The following FLG2 variants were observed in gnomAD, a reference collection of about 807,000 sequenced individuals.
The protein encoded by FLG2 is filaggrin-2.
In FLG2, 7 loss-of-function variants were observed where a neutral mutation model predicts 3.9. The observed-to-expected ratio is 1.79, with a 90% CI of 1.02 to 3.36. The LOEUF is 3.36. Ranked by LOEUF, FLG2 falls within the 30% of genes most tolerant of loss-of-function variation. FLG2 has a pLI of 0.00. For synonymous variants in FLG2, 1,031 were observed against 1,056.1 expected (o/e 0.98, Z 0.46); for missense variants, 2,700 against 2,809.4 (o/e 0.96, Z 0.88).
In FLG2 at chr1:152,352,285, C is replaced by A. The variant is rs148913062; in HGVS notation, c.5501G>T (p.Gly1834Val). 1 of 1,613,120 alleles carries A rather than the reference C, an allele frequency of 6.2e-7. No homozygotes were observed. Among genetic ancestry groups the A allele is most frequent in the African/African-American group, 1.3e-5 (1 of 74,566 alleles). ...HTHGQAGSQHGESESIVDERH... is the reference protein window; with the variant it reads ...HTHGQAGSQHVESESIVDERH... ...CTCGTCAACTATGGATTCTGACTCT[C>A]CATGTTGAGATCCAGCCTGGCCGTG... The change falls in exon 3 of 3, where the codon GGA becomes GTA. Residue 1834 changes from glycine (G) to valine (V), a missense_variant. Physicochemically the swap from Gly to Val is moderately radical, Grantham distance 109 (BLOSUM62 -3). Coordinates refer to ENST00000388718, the MANE Select transcript of FLG2 (RefSeq NM_001014342.3).
Position 152,350,572 on chromosome 1 carries a change from G to C in FLG2, c.*38C>G. The C allele has an allele frequency of 6.4e-7, 1 of 1,572,086 alleles. No homozygotes were observed. The highest frequency in any genetic ancestry group is 1.4e-5 in the African/African-American group (1 of 73,696). The stretch of plus-strand genomic sequence containing the variant: ...ACTGTGTCTTCCTGTTCTTTTAGTT[G>C]CTTTGGATACTATAAGGTCAGAACT... On this transcript the variant is annotated 3_prime_UTR_variant, in exon 3 of 3. Transcript: ENST00000388718.
intron 2 of FLG2, 48 bp from the exon 3 acceptor site, chr1:152,357,695 A>C (rs370646147): frequency 1.5e-6 from 2 of 1,311,314 alleles, no homozygotes; most frequent in East Asian, 2.3e-5. Context: ...CCTAACCTGC[A>C]TACTCAACTA....
At position 152,354,629 on chromosome 1, in the gene FLG2, G is replaced by T. The variant is rs774167392; in HGVS notation, c.3157C>A (p.Gln1053Lys). The change falls in exon 3 of 3, where the codon CAA (glutamine) becomes AAA (lysine). Residue 1053 changes from glutamine (Q) to lysine (K), a missense_variant. Physicochemically the swap from Gln to Lys is moderately conservative, Grantham distance 53 (BLOSUM62 1). Transcript: ENST00000388718. ...GATTGTCCTGAACCAGTCCCATGTTGTCCAAAGCCAGAGGACTGATCTGAG... is the reference window on the plus strand; with the variant it reads ...GATTGTCCTGAACCAGTCCCATGTTTTCCAAAGCCAGAGGACTGATCTGAG... ...SGSDQSSGFG[Q>K]HGTGSGQSSG... 6.2e-7 allele frequency: 1 copy of T among 1,614,074 alleles called. No homozygotes were observed. Among genetic ancestry groups the T allele is most frequent in the Non-Finnish European group, 8.5e-7 (1 of 1,180,024 alleles).
At position 152,355,995 on chromosome 1, in the gene FLG2, C is replaced by T. The variant is rs143961355; in HGVS notation, c.1791G>A (p.Gly597=). ...SGQSSGFGQH[G]SGSGQSSGFG... is the part of the protein sequence containing the mutation. ...AGCCAGAGGATTGTCCTGAGCCAGA[C>T]CCATGTTGTCCAAAGCCAGAGGACT... is the stretch of plus-strand genomic sequence containing the variant. The change falls in exon 3 of 3, where the codon GGG becomes GGA. Residue 597 remains glycine, a synonymous_variant. Coordinates refer to ENST00000388718, the MANE Select transcript of FLG2 (RefSeq NM_001014342.3). 5,396 of 1,600,000 alleles carry T rather than the reference C, an allele frequency of 3.4e-3. 51 individuals carry two copies. Among genetic ancestry groups the T allele is most frequent in the South Asian group, 0.021 (1,944 of 90,638 alleles).
rs762588003 is a variant in FLG2, at chr1:152,351,106, C to G, written c.6680G>C (p.Gly2227Ala). Reference protein sequence around the residue: ...GRQGTTHGQTGDTTRHAHYGY... With the variant: ...GRQGTTHGQTADTTRHAHYGY... ...ATAGTGGGCATGTCTAGTGGTATCT[C>G]CTGTCTGTCCATGAGTAGTTCCCTG... The change falls in exon 3 of 3, where the codon GGA becomes GCA. Residue 2227 changes from glycine to alanine, a missense_variant. Coordinates refer to ENST00000388718, the MANE Select transcript of FLG2 (RefSeq NM_001014342.3). 4 of 1,613,694 alleles carry G rather than the reference C, an allele frequency of 2.5e-6. No individual in the cohort carries two copies. In the East Asian group the frequency reaches 6.7e-5, roughly 27 times the overall value.
In FLG2 at chr1:152,350,899, G is replaced by A. The variant is rs766450777; in HGVS notation, c.6887C>T (p.Thr2296Ile). Reference protein sequence around the residue: ...PGSTVHGRLETTHGQTGDTTR... With the variant: ...PGSTVHGRLEITHGQTGDTTR... ...GGTATCTCCTGTCTGTCCATGAGTA[G>A]TTTCCAGTCTCCCATGAACTGTGGA... The change falls in exon 3 of 3, where the codon ACT becomes ATT. Residue 2296 changes from threonine to isoleucine, a missense_variant. By Grantham distance (89) the Thr-to-Ile change is moderately conservative. Transcript: ENST00000388718. 2 of 1,614,048 alleles carry A rather than the reference G, an allele frequency of 1.2e-6. No individual in the cohort carries two copies. Among genetic ancestry groups the A allele is most frequent in the Non-Finnish European group, 1.7e-6 (2 of 1,180,012 alleles).
rs543118474 is a variant in FLG2, at chr1:152,354,268, G to C, written c.3518C>G (p.Ser1173Ter). The stretch of plus-strand genomic sequence containing the variant: ...CTGTCCAAAACTTGTGGTTGGACCT[G>C]AGCCAGACTCATGTTGGCCACAGCC... ...SSGCGQHESG[S>*]GPTTSFGQHV... The change falls in exon 3 of 3, where the codon TCA (serine) becomes TGA (stop). Residue 1173 changes from serine (S) to a stop codon, truncating the protein, a stop_gained. Coordinates refer to ENST00000388718, the MANE Select transcript of FLG2 (RefSeq NM_001014342.3). LOFTEE classifies it low-confidence loss of function (END_TRUNC). 7 of 1,614,112 alleles carry C rather than the reference G, an allele frequency of 4.3e-6. No homozygotes were observed. In the South Asian group the frequency reaches 7.7e-5, roughly 18 times the overall value.
chr1:152,350,919 T>C lies in FLG2; in HGVS notation c.6867A>G (p.Thr2289=). 1 of 1,613,776 alleles carries C rather than the reference T, an allele frequency of 6.2e-7. No homozygotes were observed. Among genetic ancestry groups the C allele is most frequent in the Non-Finnish European group, 8.5e-7 (1 of 1,179,902 alleles). The change falls in exon 3 of 3, where the codon ACA becomes ACG. Residue 2289 remains threonine, a synonymous_variant. Coordinates refer to ENST00000388718, the MANE Select transcript of FLG2 (RefSeq NM_001014342.3). ...GAGTAGTTTCCAGTCTCCCATGAAC[T>C]GTGGATCCTGGCTGTCTTTGTTGAG... ...AGSQQRQPGS[T]VHGRLETTHG... is the part of the protein sequence containing the mutation.
chr1:152,356,560 C>T lies in FLG2; in HGVS notation c.1226G>A (p.Ser409Asn), dbSNP rs1029244276. Residue 409 changes from serine (S) to asparagine (N), a missense_variant, in exon 3 of 3, where the codon AGT becomes AAT. Coordinates refer to ENST00000388718, the MANE Select transcript of FLG2 (RefSeq NM_001014342.3). ...ATCACATTTGGAAAATTCATTTGAA[C>T]TAGAAGAGTTTGAAAAGCGGCCACA... ...GSCGRFSNSSSSNEFSKCDQY... is the reference protein window; with the variant it reads ...GSCGRFSNSSNSNEFSKCDQY... The T allele has an allele frequency of 6.2e-7, 1 of 1,614,156 alleles. No homozygotes were observed. The highest frequency in any genetic ancestry group is 1.7e-5 in the Admixed American group (1 of 60,020).
rs2101673220 is a variant in FLG2 at position 152,349,705 on chromosome 1, T to G, written c.*905A>C. The G allele has an allele frequency of 6.5e-6, 1 of 152,780 alleles. No individual in the cohort carries two copies. The highest frequency in any genetic ancestry group is 1.5e-5 in the Non-Finnish European group (1 of 68,048). The allele number at this position is 152,780 out of a possible 1,614,324, so 9.5% of individuals were successfully genotyped here. ...AATAACTCCTTTGTTCTTGGACATA[T>G]TCATAGAGTGGGGTGTTGCTATCTA... On this transcript the variant is annotated 3_prime_UTR_variant, in exon 3 of 3. Coordinates refer to ENST00000388718, the MANE Select transcript of FLG2 (RefSeq NM_001014342.3).
rs977066972 is a variant in FLG2 at position 152,356,073 on chromosome 1, C to T, written c.1713G>A (p.Gly571=). ...AGCCAGTGGATTGACCTGAGCCCAA[C>T]CCATGTTGTCCAAAGCCAGATGTCT... The part of the protein sequence containing the change: ...SRETSGFGQH[G]LGSGQSTGFG... The change falls in exon 3 of 3, where the codon GGG becomes GGA. Residue 571 remains glycine, a synonymous_variant. Coordinates refer to ENST00000388718, the MANE Select transcript of FLG2 (RefSeq NM_001014342.3). The T allele has an allele frequency of 6.2e-7, 1 of 1,613,750 alleles. No individual in the cohort carries two copies.
chr1:152,350,418 G>C lies in FLG2; in HGVS notation c.*192C>G. On this transcript the variant is annotated 3_prime_UTR_variant, in exon 3 of 3. Coordinates refer to ENST00000388718, the MANE Select transcript of FLG2 (RefSeq NM_001014342.3). ...TATATCCAGGTTGAACATAGGTGTT[G>C]TTTGACTGTTTATGAGTTACTATAG... 1 of 703,274 alleles carries C rather than the reference G, an allele frequency of 1.4e-6. No homozygotes were observed. The highest frequency in any genetic ancestry group is 2.3e-6 in the Non-Finnish European group (1 of 435,548). The allele number at this position is 703,274 out of a possible 1,614,324, so 43.6% of individuals were successfully genotyped here. A position where few individuals can be genotyped will look rare whatever the true frequency, so the allele number is the denominator to read the frequency against.
Position 152,355,736 on chromosome 1 carries a change from G to A in FLG2, c.2050C>T (p.His684Tyr). The A allele has an allele frequency of 1.2e-6, 2 of 1,613,856 alleles. No homozygotes were observed. The highest frequency in any genetic ancestry group is 1.1e-5 in the South Asian group (1 of 91,056). Residue 684 changes from histidine to tyrosine, a missense_variant, in exon 3 of 3, where the codon CAT becomes TAT. By Grantham distance (83) the His-to-Tyr change is moderately conservative. Coordinates refer to ENST00000388718, the MANE Select transcript of FLG2 (RefSeq NM_001014342.3). Reference protein sequence around the residue: ...GSGQSSGFGQHESRSGHSSYG... With the variant: ...GSGQSSGFGQYESRSGHSSYG... ...CTAGAATGACCTGATCTAGACTCATGTTGTCCAAAACCAGAGGATTGTCCT... is the reference window on the plus strand; with the variant it reads ...CTAGAATGACCTGATCTAGACTCATATTGTCCAAAACCAGAGGATTGTCCT...
chr1:152,356,723 A>G lies in FLG2; in HGVS notation c.1063T>C (p.Tyr355His), dbSNP rs1654248653. 6.2e-7 allele frequency: 1 copy of G among 1,613,986 alleles called. No individual in the cohort carries two copies. ...GGTTGACCATTTTCTCTAGCTCCAT[A>G]TCCTCTCTGACTATAGGACTGACTA... ...PCSQSYSQRG[Y>H]GARENGQPQN... Residue 355 changes from tyrosine (Y) to histidine (H), a missense_variant, in exon 3 of 3, where the codon TAT (tyrosine) becomes CAT (histidine). By Grantham distance (83) the Tyr-to-His change is moderately conservative. Coordinates refer to ENST00000388718, the MANE Select transcript of FLG2 (RefSeq NM_001014342.3).
chr1:152,354,749 C>G lies in FLG2; in HGVS notation c.3037G>C (p.Gly1013Arg). Residue 1013 changes from glycine (G) to arginine (R), a missense_variant, in exon 3 of 3, where the codon GGT becomes CGT. Transcript: ENST00000388718. ...GSGSSQSSGYGQHGSSSGQTT... is the reference protein window; with the variant it reads ...GSGSSQSSGYRQHGSSSGQTT... ...TGTCCTGAACTAGACCCATGTTGAC[C>G]ATAGCCAGATGACTGACTTGAGCCA... 1 of 1,613,944 alleles carries G rather than the reference C, an allele frequency of 6.2e-7. No individual in the cohort carries two copies. The highest frequency in any genetic ancestry group is 2.2e-5 in the East Asian group (1 of 44,870).
chr1:152,357,432 A>G lies in FLG2; in HGVS notation c.354T>C (p.Asp118=). The stretch of plus-strand genomic sequence containing the variant: ...ATTTATGTCCTGGTGTATCCTCTTC[A>G]TCCTCTTCTGTTTCACTTTCTTCTT... ...HQEEESETEE[D]EEDTPGHKSG... The change falls in exon 3 of 3, where the codon GAT becomes GAC. Residue 118 remains aspartate, a synonymous_variant. Transcript: ENST00000388718. The G allele has an allele frequency of 2.5e-6, 4 of 1,613,156 alleles. No homozygotes were observed. In the South Asian group the frequency reaches 3.3e-5, roughly 13 times the overall value.
At position 152,350,296 on chromosome 1, in the gene FLG2, G is replaced by T. The variant is rs1653858589; in HGVS notation, c.*314C>A. 3 of 326,674 alleles carry T rather than the reference G, an allele frequency of 9.2e-6. No individual in the cohort carries two copies. The highest frequency in any genetic ancestry group is 1.7e-5 in the Non-Finnish European group (3 of 179,388). The allele number at this position is 326,674 out of a possible 1,614,324, so 20.2% of individuals were successfully genotyped here. On this transcript the variant is annotated 3_prime_UTR_variant, in exon 3 of 3. Transcript: ENST00000388718. Reference sequence around the variant, plus strand: ...GGATTCCTGTTTTCTGATTGAACTAGATTTTGAATGGCCATGAACTGATAT... The same window carrying T: ...GGATTCCTGTTTTCTGATTGAACTATATTTTGAATGGCCATGAACTGATAT...
At chr1:152,359,147 A>G (rs1654359536) in intron 1 of FLG2, among the ~76,000 whole-genome samples, 2 of 152,172 alleles carry the variant, frequency 1.3e-5, no homozygotes, top group African/African-American at 4.8e-5. Context: ...AATAGACCTC[A>G]AGTCTCTATA....
In FLG2 at chr1:152,356,583, A is replaced by G; in HGVS notation, c.1203T>C (p.Cys401=). 1.9e-6 allele frequency: 3 copies of G among 1,614,208 alleles called. No homozygotes were observed. The highest frequency in any genetic ancestry group is 2.5e-6 in the Non-Finnish European group (3 of 1,180,030). Residue 401 remains cysteine (C), a synonymous_variant, in exon 3 of 3, where the codon TGT becomes TGC. Transcript: ENST00000388718. ...CSNGQHEYGS[C]GRFSNSSSSN... Reference sequence around the variant, plus strand: ...AACTAGAAGAGTTTGAAAAGCGGCCACAGGAACCATATTCATGTTGACCAT... The same window carrying G: ...AACTAGAAGAGTTTGAAAAGCGGCCGCAGGAACCATATTCATGTTGACCAT...
Sources: allele counts gnomAD v4.1 joint callset (sites outside exome capture counted in the v4.1 genomes callset), GRCh38; gene constraint gnomAD v4.1.1; transcripts MANE v1.5; gene names NCBI Gene and HGNC (gene_info 2026-07-23, HGNC 2026-07-21).